Variants in ERC1 observed in about 807,000 individuals in gnomAD.
ERC1 encodes the protein ELKS/RAB6-interacting/CAST family member 1, also known as RAB6 interacting protein 2.
In ERC1, 56 loss-of-function variants were observed where a neutral mutation model predicts 132.0. The ratio of observed to expected loss-of-function variants is 0.42; its 90% CI spans 0.34 to 0.53. The LOEUF (loss-of-function observed/expected upper bound fraction) is 0.53, where lower values mean the gene tolerates loss of function less well. Ranked by LOEUF, ERC1 falls within the 20% of genes least tolerant of loss-of-function variation. The pLI, the probability that ERC1 is intolerant of heterozygous loss-of-function variation, is 0.03. For missense variants in ERC1, 1,202 were observed against 1,349.9 expected (o/e 0.89, Z 1.72); for synonymous variants, 478 against 476.1 (o/e 1.00, Z -0.05).
chr12:996,397 T>G (rs1287297753), intron 1 of ERC1, among the ~76,000 whole-genome samples: 2 of 151,784 alleles, frequency 1.3e-5, no homozygotes, highest in African/African-American at 4.8e-5. Flanking sequence ...CGACCACACC[T>G]GGCCTCATTC....
At chr12:1,170,239 C>A (rs1205606285) in intron 8 of ERC1, among the ~76,000 whole-genome samples, 1 of 152,140 alleles carries the variant, frequency 6.6e-6, no homozygotes, top group Non-Finnish European at 1.5e-5. Context: ...GTATAATATT[C>A]TTTCCATCCA....
At chr12:1,185,949 A>T (rs1475321865) in intron 11 of ERC1, among the ~76,000 whole-genome samples, 1 of 152,180 alleles carries the variant, frequency 6.6e-6, no homozygotes, top group Non-Finnish European at 1.5e-5. Flanking sequence ...CAGTTTCGCT[A>T]ACACATTAAA....
At chr12:1,275,799 T>C (rs538716759) in intron 14 of ERC1, among the ~76,000 whole-genome samples, 15 of 152,318 alleles carry the variant, frequency 9.8e-5, no homozygotes, top group African/African-American at 3.6e-4. Context: ...CTACAAACTG[T>C]ACAAGGAGCA....
At position 1,490,301 on chromosome 12, in the gene ERC1, C is replaced by G; in HGVS notation, c.*71C>G. ...AAAAGAGAACTACGAGGAACAGGTG[C>G]CCGGAACCTTCTTGGCACCAAACAC... is the stretch of plus-strand genomic sequence containing the variant. On this transcript the variant is annotated 3_prime_UTR_variant, in exon 19 of 19. Coordinates refer to ENST00000360905, the MANE Select transcript of ERC1 (RefSeq NM_178040.4). 3.3e-6 allele frequency: 5 copies of G among 1,497,360 alleles called. No homozygotes were observed. The highest frequency in any genetic ancestry group is 4.6e-6 in the Non-Finnish European group (5 of 1,098,014). 92.8% of individuals were successfully genotyped at this position (1,497,360 alleles called of 1,614,324 possible).
intron 2 of ERC1, among the ~76,000 whole-genome samples, chr12:1,074,878 C>T (rs188172220): frequency 6.6e-6 from 1 of 152,102 alleles, no homozygotes; most frequent in African/African-American, 2.4e-5. Flanking sequence ...TTAGTAAGCT[C>T]CAAATAATGG....
intron 2 of ERC1, 121 bp from the exon 3 acceptor site, chr12:1,083,043 G>T: frequency 1.3e-6 from 1 of 788,476 alleles, no homozygotes. Flanking sequence ...ACAGAATAAG[G>T]TGAATCCTAA....
At chr12:1,328,379 A>G (rs756262896) in intron 15 of ERC1, among the ~76,000 whole-genome samples, 7 of 152,236 alleles carry the variant, frequency 4.6e-5, no homozygotes, top group Non-Finnish European at 8.8e-5. Flanking sequence ...CCTGAGCTCA[A>G]GTAGTTCTCC....
At chr12:1,172,271 A>C (rs1953148059) in intron 8 of ERC1, among the ~76,000 whole-genome samples, 1 of 152,126 alleles carries the variant, frequency 6.6e-6, no homozygotes, top group Non-Finnish European at 1.5e-5. Flanking sequence ...GGAGTTTGAG[A>C]CCAGCCTGGG....
chr12:1,427,897 AT>A (rs2092686460), intron 17 of ERC1, among the ~76,000 whole-genome samples: 1 of 152,206 alleles, frequency 6.6e-6, no homozygotes, highest in Non-Finnish European at 1.5e-5. Context: ...ATTGTAAGTA[AT>A]TTGGGGTAGA....
chr12:1,294,336 TA>T (rs899751678), intron 15 of ERC1, among the ~76,000 whole-genome samples: 3 of 151,774 alleles, frequency 2.0e-5, no homozygotes, highest in Admixed American at 6.6e-5. Context: ...AAACCATGTT[TA>T]AAAAAAAATC....
chr12:1,415,070 A>G (rs970921711), intron 17 of ERC1, among the ~76,000 whole-genome samples: 1 of 152,244 alleles, frequency 6.6e-6, no homozygotes, highest in African/African-American at 2.4e-5. Context: ...ATGAAGTCCT[A>G]GAGTCTGCCT....
At chr12:1,162,487 GT>G (rs60402999) in intron 8 of ERC1, among the ~76,000 whole-genome samples, 41,263 of 141,848 alleles carry the variant, frequency 0.29, 6,103 homozygotes, top group African/African-American at 0.39. Context: ...TCCTAGGTTT[GT>G]TTTTTTTTTT....
At chr12:1,133,443 A>G (rs965419745) in intron 7 of ERC1, among the ~76,000 whole-genome samples, 3 of 152,162 alleles carry the variant, frequency 2.0e-5, no homozygotes, top group African/African-American at 7.2e-5. Context: ...GACACTGTCA[A>G]ATAGGATTAG....
chr12:1,304,833 G>A (rs370281951), intron 15 of ERC1, among the ~76,000 whole-genome samples: 71 of 118,746 alleles, frequency 6.0e-4, no homozygotes, highest in South Asian at 1.5e-3. Flanking sequence ...TCTGCTGCCC[G>A]GGCTGGAGTA....
intron 15 of ERC1, among the ~76,000 whole-genome samples, chr12:1,312,387 T>G (rs1363075529): frequency 6.6e-6 from 1 of 152,098 alleles, no homozygotes; most frequent in Non-Finnish European, 1.5e-5. Flanking sequence ...AAGCAATTTT[T>G]TTTTTCCTCT....
At chr12:1,258,688 T>G (rs1033954926) in intron 13 of ERC1, among the ~76,000 whole-genome samples, 1 of 152,246 alleles carries the variant, frequency 6.6e-6, no homozygotes, top group African/African-American at 2.4e-5. Flanking sequence ...CTTACTGTGA[T>G]AATATTGTCC....
intron 15 of ERC1, among the ~76,000 whole-genome samples, chr12:1,337,546 G>T (rs999793845): frequency 1.3e-5 from 2 of 152,104 alleles, no homozygotes; most frequent in Admixed American, 6.5e-5. Context: ...TACATTCAAG[G>T]TTTGTACTGA....
At chr12:1,064,613 C>G (rs1055658179) in intron 2 of ERC1, among the ~76,000 whole-genome samples, 1 of 151,936 alleles carries the variant, frequency 6.6e-6, no homozygotes, top group African/African-American at 2.4e-5. Flanking sequence ...AGGCTTGTGT[C>G]AAACTCCTGG....
chr12:1,248,209 A>G (rs2076270910), intron 13 of ERC1, among the ~76,000 whole-genome samples: 1 of 152,192 alleles, frequency 6.6e-6, no homozygotes. Context: ...CATTTTTTCA[A>G]TATAAATTTA....
Sources: allele counts gnomAD v4.1 joint callset (sites outside exome capture counted in the v4.1 genomes callset), GRCh38; gene constraint gnomAD v4.1.1; transcripts MANE v1.5; gene names NCBI Gene and HGNC (gene_info 2026-07-23, HGNC 2026-07-21).